USP28: variants seen among roughly 807,000 people sequenced by gnomAD.
The protein encoded by USP28 is ubiquitin specific peptidase 28.
USP28 carries 113 observed loss-of-function variants against 145.0 expected under a neutral mutation model. The ratio of observed to expected loss-of-function variants is 0.78; its 90% CI spans 0.67 to 0.91. USP28 has a LOEUF of 0.91. Ranked by LOEUF, USP28 falls within the 40% of genes least tolerant of loss-of-function variation. The pLI, the probability that USP28 is intolerant of heterozygous loss-of-function variation, is 0.00. For synonymous variants in USP28, 447 were observed against 450.9 expected, an observed-to-expected ratio of 0.99 and a Z score of 0.11; for missense variants, 1,201 against 1,289.6, an observed-to-expected ratio of 0.93 and a Z score of 1.05.
At chr11:113,831,715 G>A (rs1320562798) in intron 8 of USP28, among the ~76,000 whole-genome samples, 1 of 150,940 alleles carries the variant, frequency 6.6e-6, no homozygotes, top group Admixed American at 6.6e-5. Context: ...AAAAAAAAAA[G>A]CTGCAGGATA....
intron 3 of USP28, among the ~76,000 whole-genome samples, chr11:113,845,275 C>T (rs1945696178): frequency 6.6e-6 from 1 of 151,842 alleles, no homozygotes; most frequent in Non-Finnish European, 1.5e-5. Flanking sequence ...ACCGTCTCTA[C>T]TAAAAATACA....
chr11:113,816,660 AGAG>A lies in USP28; in HGVS notation c.1463+995_1463+997del, dbSNP rs763697271. ...ACAAGGGAACAGATATCTCAATTTC[AGAG>A]GAGATTACACACATACACCTCCCTG... On this transcript the variant is annotated intron_variant, in intron 13 of 24. Transcript: ENST00000003302. 7.4e-4 allele frequency among the ~76,000 whole-genome samples: 113 copies of A among 152,336 alleles called. 1 individual carries two copies. Among genetic ancestry groups the A allele is most frequent in the Non-Finnish European group, 1.1e-3 (72 of 68,018 alleles).
intron 5 of USP28, among the ~76,000 whole-genome samples, chr11:113,839,134 T>C (rs1944910754): frequency 6.6e-6 from 1 of 152,260 alleles, no homozygotes; most frequent in Admixed American, 6.5e-5. Context: ...CATATAATTA[T>C]CTGCCTACAT....
chr11:113,867,738 C>G (rs893130204), intron 1 of USP28, among the ~76,000 whole-genome samples: 1 of 138,952 alleles, frequency 7.2e-6, no homozygotes, highest in Non-Finnish European at 1.5e-5. Context: ...GACCCCAACT[C>G]TATGAAAAAA....
At chr11:113,842,758 A>G (rs941925387) in intron 3 of USP28, among the ~76,000 whole-genome samples, 1 of 152,214 alleles carries the variant, frequency 6.6e-6, no homozygotes, top group Non-Finnish European at 1.5e-5. Flanking sequence ...AAAAACTCAA[A>G]GCCAACTAGG....
intron 1 of USP28, among the ~76,000 whole-genome samples, chr11:113,857,452 TTTG>T (rs1201810781): frequency 1.3e-5 from 2 of 152,224 alleles, no homozygotes; most frequent in Non-Finnish European, 2.9e-5. Context: ...TTTTGGTTTT[TTTG>T]TTTTGTTTTA....
chr11:113,816,138 T>C (rs1328702564), intron 13 of USP28, among the ~76,000 whole-genome samples: 1 of 152,160 alleles, frequency 6.6e-6, no homozygotes. Flanking sequence ...AGCAGGAATA[T>C]AAAATAAGCT....
chr11:113,815,498 T>A, intron 13 of USP28, 116 bp from the exon 14 acceptor site: 1 of 939,066 alleles, frequency 1.1e-6, no homozygotes, highest in Non-Finnish European at 1.6e-6. Context: ...CAGTGAGCAT[T>A]AACTCTATAA....
At chr11:113,846,810 T>C (rs1945905630) in intron 3 of USP28, among the ~76,000 whole-genome samples, 3 of 151,990 alleles carry the variant, frequency 2.0e-5, no homozygotes, top group Admixed American at 2.0e-4. Flanking sequence ...GGCCAACCAA[T>C]ATGGTGAAAC....
intron 16 of USP28, among the ~76,000 whole-genome samples, chr11:113,809,869 T>TA (rs979854075): frequency 3.3e-5 from 5 of 151,348 alleles, no homozygotes; most frequent in South Asian, 2.1e-4. Flanking sequence ...CTGTCTCTAC[T>TA]AAAAAAAATA....
chr11:113,828,783 G>A, intron 10 of USP28: 4 of 315,258 alleles, frequency 1.3e-5, no homozygotes, highest in South Asian at 5.1e-5. Flanking sequence ...AAAAGCAAAG[G>A]CAGAATTTAC....
chr11:113,844,754 A>C (rs1459082713), intron 3 of USP28, among the ~76,000 whole-genome samples: 1 of 152,164 alleles, frequency 6.6e-6, no homozygotes, highest in African/African-American at 2.4e-5. Flanking sequence ...ATTAATAATA[A>C]AACTGGCAAG....
intron 1 of USP28, among the ~76,000 whole-genome samples, chr11:113,857,084 G>T (rs1285711517): frequency 6.6e-6 from 1 of 152,172 alleles, no homozygotes; most frequent in African/African-American, 2.4e-5. Context: ...GCTGCCACTT[G>T]AACTATGACA....
At chr11:113,834,395 G>C (rs777069357) in intron 5 of USP28, 60 bp from the exon 6 acceptor site, 5 of 1,170,866 alleles carry the variant, frequency 4.3e-6, no homozygotes, top group Non-Finnish European at 6.0e-6. Flanking sequence ...AGCAACATAT[G>C]TATTTTTCAC....
At chr11:113,832,026 G>A in intron 7 of USP28, 33 bp from the exon 8 acceptor site, 1 of 1,549,574 alleles carries the variant, frequency 6.5e-7, no homozygotes. Flanking sequence ...ATAAAAGTTA[G>A]ATGCAATACT....
chr11:113,847,212 A>G (rs920737256), intron 3 of USP28, among the ~76,000 whole-genome samples: 2 of 152,118 alleles, frequency 1.3e-5, no homozygotes, highest in African/African-American at 4.8e-5. Flanking sequence ...TTAACAACAC[A>G]AAAGAGGGCA....
At chr11:113,826,859 C>T (rs553429519) in intron 11 of USP28, among the ~76,000 whole-genome samples, 12 of 149,202 alleles carry the variant, frequency 8.0e-5, no homozygotes, top group African/African-American at 2.5e-4. Flanking sequence ...GCAGATGTTT[C>T]GGTGAGCCGA....
intron 1 of USP28, among the ~76,000 whole-genome samples, chr11:113,859,955 C>G (rs1363776915): frequency 6.6e-6 from 1 of 152,186 alleles, no homozygotes; most frequent in Non-Finnish European, 1.5e-5. Flanking sequence ...GACCTCACTG[C>G]TACTCAGTGG....
At chr11:113,812,317 C>T in exon 16 of USP28, 1 of 1,614,130 alleles carries the variant, frequency 6.2e-7, no homozygotes. Context: ...GTACATCAGA[C>T]AGTAAGCACT....
Sources: gnomAD v4.1 joint callset for allele counts (sites outside exome capture counted in the v4.1 genomes callset) on GRCh38, gnomAD v4.1.1 for gene constraint, MANE v1.5 for transcripts, NCBI Gene and HGNC (gene_info 2026-07-23, HGNC 2026-07-21) for gene names.